Variants in APC observed in about 807,000 individuals in gnomAD.
APC encodes the protein APC regulator of Wnt signaling pathway.
In APC, 72 loss-of-function variants were observed where a neutral mutation model predicts 247.0. That is an observed-to-expected ratio of 0.29 (90% CI 0.24 to 0.35). The LOEUF (loss-of-function observed/expected upper bound fraction) is 0.35, where lower values mean the gene tolerates loss of function less well. Among genes scored for constraint, APC ranks in the 10% least tolerant of loss-of-function variants. The probability of loss-of-function intolerance (pLI) is 1.00; values close to 1 mark genes in which losing one functional copy is unlikely to be tolerated. For synonymous variants in APC, 1,254 were observed against 1,162.5 expected, an observed-to-expected ratio of 1.08 and a Z score of -1.60; for missense variants, 3,400 against 3,360.7, an observed-to-expected ratio of 1.01 and a Z score of -0.29.
rs1353405049 is a variant in APC, at chr5:112,839,972, G to T, written c.4378G>T (p.Ala1460Ser). The T allele has an allele frequency of 6.2e-7, 1 of 1,614,092 alleles. No individual in the cohort carries two copies. Among genetic ancestry groups the T allele is most frequent in the Non-Finnish European group, 8.5e-7 (1 of 1,180,012 alleles). The change falls in exon 16 of 16, where the codon GCT becomes TCT. Residue 1460 changes from alanine (A) to serine (S), a missense_variant. Transcript: ENST00000257430. The surrounding 1 kb of genome is among the most constrained non-coding windows in gnomAD (Gnocchi z 5.0). ...REVPKNKAPT[A>S]EKRESGPKQA... is the part of the protein sequence containing the mutation. ...AGTACCTAAAAATAAAGCACCTACT[G>T]CTGAAAAGAGAGAGAGTGGACCTAA...
At chr5:112,812,648 G>A (rs926648620) in intron 8 of APC, among the ~76,000 whole-genome samples, 1 of 152,132 alleles carries the variant, frequency 6.6e-6, no homozygotes, top group African/African-American at 2.4e-5. Context: ...CAGGAACCAA[G>A]ACTGAATTGT....
At chr5:112,712,706 AT>A (rs1252711016) in intron 1 of APC, among the ~76,000 whole-genome samples, 1 of 151,940 alleles carries the variant, frequency 6.6e-6, no homozygotes, top group African/African-American at 2.4e-5. Context: ...GCGCGTTTGT[AT>A]TCCTCTTCCC....
chr5:112,739,561 G>T (rs547547603), intron 1 of APC, among the ~76,000 whole-genome samples: 2 of 152,256 alleles, frequency 1.3e-5, no homozygotes, highest in African/African-American at 4.8e-5. Context: ...GGATATCAGG[G>T]TTAATAGTAC....
At chr5:112,786,974 G>A (rs1313093770) in intron 6 of APC, among the ~76,000 whole-genome samples, 1 of 141,156 alleles carries the variant, frequency 7.1e-6, no homozygotes, top group Non-Finnish European at 1.5e-5. Context: ...TGCAACCTCC[G>A]CCTCTAAGGT....
In APC at chr5:112,751,249, A is replaced by G. The variant is rs7700326; in HGVS notation, c.-18-3624A>G. 4.3e-3 allele frequency among the ~76,000 whole-genome samples: 659 copies of G among 152,218 alleles called. 7 individuals carry two copies. The highest frequency in any genetic ancestry group is 0.015 in the African/African-American group (636 of 41,560). Reference sequence around the variant, plus strand: ...AAAAACTAATCTATTGGTACAATATAGTTAACTACATTTATATGGTTTTAA... The same window carrying G: ...AAAAACTAATCTATTGGTACAATATGGTTAACTACATTTATATGGTTTTAA... On this transcript the variant is annotated intron_variant, in intron 1 of 15. Coordinates refer to ENST00000257430, the MANE Select transcript of APC (RefSeq NM_000038.6).
rs374310157 is a variant in APC at position 112,841,981 on chromosome 5, G to A, written c.6387G>A (p.Ser2129=). 7.1e-5 allele frequency: 115 copies of A among 1,612,778 alleles called. No individual in the cohort carries two copies. The Admixed American group carries it at 1.2e-3, about 17-fold the overall frequency. Reference sequence around the variant, plus strand: ...CTGCATGTTTATCTAGACAAGCTTCGTCTGATTCAGATTCCATCCTTTCCC... The same window carrying A: ...CTGCATGTTTATCTAGACAAGCTTCATCTGATTCAGATTCCATCCTTTCCC... ...AAAACLSRQA[S]SDSDSILSLK... is the part of the protein sequence containing the mutation. The change falls in exon 16 of 16, where the codon TCG becomes TCA. Residue 2129 remains serine (S), a synonymous_variant. Coordinates refer to ENST00000257430, the MANE Select transcript of APC (RefSeq NM_000038.6). The surrounding 1 kb of genome is among the most constrained non-coding windows in gnomAD (Gnocchi z 4.6).
chr5:112,783,522 G>A (rs924308500), intron 6 of APC, among the ~76,000 whole-genome samples: 1 of 151,608 alleles, frequency 6.6e-6, no homozygotes, highest in African/African-American at 2.4e-5. Flanking sequence ...GCCAGGCATG[G>A]TGATTCACAC....
At chr5:112,817,224 G>A (rs1048342553) in intron 9 of APC, among the ~76,000 whole-genome samples, 2 of 152,144 alleles carry the variant, frequency 1.3e-5, no homozygotes, top group Non-Finnish European at 2.9e-5. Context: ...ATTACTAAAC[G>A]ATGTATTTTC....
chr5:112,743,676 C>A (rs1753296936), intron 1 of APC, among the ~76,000 whole-genome samples: 1 of 152,112 alleles, frequency 6.6e-6, no homozygotes, highest in African/African-American at 2.4e-5. Context: ...AGCAACACAG[C>A]CTTATTAAAT....
intron 1 of APC, among the ~76,000 whole-genome samples, chr5:112,723,305 T>C (rs886434948): frequency 3.3e-5 from 5 of 151,736 alleles, no homozygotes; most frequent in Non-Finnish European, 7.4e-5. Flanking sequence ...CTACAAAAAA[T>C]AAAAAAATTA....
intron 2 of APC, among the ~76,000 whole-genome samples, chr5:112,765,647 AATT>A (rs556344606): frequency 9.9e-5 from 15 of 152,210 alleles, no homozygotes; most frequent in African/African-American, 3.6e-4. Context: ...AAATAATATA[AATT>A]ATTATTAAGT....
intron 9 of APC, among the ~76,000 whole-genome samples, chr5:112,818,249 A>G (rs957558342): frequency 6.6e-6 from 1 of 152,220 alleles, no homozygotes; most frequent in Admixed American, 6.5e-5. Context: ...TGAGTGGACC[A>G]TGGCCCAGGA....
intron 8 of APC, among the ~76,000 whole-genome samples, chr5:112,802,046 A>G (rs1744214639): frequency 6.6e-6 from 1 of 152,046 alleles, no homozygotes; most frequent in Non-Finnish European, 1.5e-5. Flanking sequence ...GGTGTTCTGT[A>G]TTCTCCAAAT....
intron 7 of APC, 21 bp from the exon 8 acceptor site, chr5:112,801,258 A>T: frequency 6.2e-7 from 1 of 1,600,758 alleles, no homozygotes; most frequent in Non-Finnish European, 8.6e-7. Context: ...GCATGTACTG[A>T]TGTTAACTCC....
intron 4 of APC, among the ~76,000 whole-genome samples, chr5:112,774,592 C>T (rs767468409): frequency 1.3e-5 from 2 of 150,880 alleles, no homozygotes; most frequent in Non-Finnish European, 2.9e-5. Flanking sequence ...TCCCAAGTAG[C>T]TGGGACTACA....
intron 11 of APC, among the ~76,000 whole-genome samples, 154 bp downstream of exon 11, chr5:112,822,145 CA>C (rs1763213568): frequency 6.6e-6 from 1 of 152,046 alleles, no homozygotes; most frequent in Admixed American, 6.5e-5. Flanking sequence ...CTCTGTGTAG[CA>C]AAAAATTGTA....
intron 1 of APC, among the ~76,000 whole-genome samples, chr5:112,708,945 A>G (rs978121769): frequency 6.6e-6 from 1 of 152,212 alleles, no homozygotes; most frequent in African/African-American, 2.4e-5. Context: ...TAAGTGCAAA[A>G]TGTGGGATCA....
chr5:112,785,247 A>G (rs889871418), intron 6 of APC, among the ~76,000 whole-genome samples: 21 of 152,234 alleles, frequency 1.4e-4, no homozygotes, highest in African/African-American at 5.1e-4. Flanking sequence ...TTAAATAATT[A>G]TTTGTAAATG....
chr5:112,761,498 T>A (rs1479919491), intron 2 of APC, among the ~76,000 whole-genome samples: 1 of 152,122 alleles, frequency 6.6e-6, no homozygotes, highest in East Asian at 1.9e-4. Context: ...TAACATTGGA[T>A]GGGCTTAACA....
Sources: gnomAD v4.1 joint callset for allele counts (sites outside exome capture counted in the v4.1 genomes callset) on GRCh38, gnomAD v4.1.1 for gene constraint, Gnocchi (gnomAD v3.1) non-coding constraint, MANE v1.5 for transcripts, NCBI Gene and HGNC (gene_info 2026-07-23, HGNC 2026-07-21) for gene names.